Variants in GPC3 observed in about 807,000 individuals in gnomAD.
The protein encoded by GPC3 is glypican-3.
GPC3 carries 3 observed loss-of-function variants against 34.4 expected under a neutral mutation model. That is an observed-to-expected ratio of 0.09 (90% CI 0.04 to 0.23). The LOEUF is 0.23. GPC3 is among the 10% of genes least tolerant of loss of function. The pLI is 1.00. For synonymous variants in GPC3, 177 were observed against 174.0 expected (o/e 1.02, Z -0.13); for missense variants, 351 against 445.6 (o/e 0.79, Z 1.91).
chrX:133,916,298 TG>T (rs2076224698), intron 2 of GPC3, among the ~76,000 whole-genome samples: 1 of 111,510 alleles, frequency 9.0e-6, no homozygotes, highest in African/African-American at 3.3e-5. Context: ...GGGTATAAAA[TG>T]GTATGTATAC....
At chrX:133,630,041 T>C (rs141136548) in intron 6 of GPC3, among the ~76,000 whole-genome samples, 1,412 of 105,978 alleles carry the variant, frequency 0.013, 31 homozygotes, top group African/African-American at 0.045. Flanking sequence ...GCAACAAGAG[T>C]GAAACTCCAT....
chrX:133,776,841 A>C (rs188121093), intron 2 of GPC3, among the ~76,000 whole-genome samples: 86 of 108,218 alleles, frequency 7.9e-4, no homozygotes, highest in African/African-American at 2.7e-3. Context: ...ATACTCAAAA[A>C]TTAGTACAGC....
In GPC3 at chrX:133,819,315, C is replaced by A. The variant is rs759319289; in HGVS notation, c.338-65139G>T. Among the ~76,000 whole-genome samples the A allele has an allele frequency of 5.6e-5, 6 of 108,010 alleles. No individual in the cohort carries two copies. In the South Asian group the frequency reaches 2.6e-3, roughly 47 times the overall value. 93.8% of individuals were successfully genotyped at this position (108,010 alleles called of 115,157 possible). On this transcript the variant is annotated intron_variant, in intron 2 of 7. Coordinates refer to ENST00000370818, the MANE Select transcript of GPC3 (RefSeq NM_004484.4). Reference sequence around the variant, plus strand: ...TTAAACTAGACTCCCATTCTACTTGCATACTTCCTGACAGTCCCTTCCCTT... The same window carrying A: ...TTAAACTAGACTCCCATTCTACTTGAATACTTCCTGACAGTCCCTTCCCTT...
At chrX:133,926,001 G>A (rs770301427) in intron 2 of GPC3, among the ~76,000 whole-genome samples, 31 of 111,151 alleles carry the variant, frequency 2.8e-4, no homozygotes, top group Non-Finnish European at 4.9e-4. Flanking sequence ...GATCAGAAGA[G>A]GTTTTCACTC....
At chrX:133,707,502 C>A (rs1029071190) in intron 3 of GPC3, among the ~76,000 whole-genome samples, 1 of 111,223 alleles carries the variant, frequency 9.0e-6, no homozygotes, top group Non-Finnish European at 1.9e-5. Context: ...GGTTTAACAA[C>A]GATGAGAGAT....
intron 3 of GPC3, among the ~76,000 whole-genome samples, chrX:133,703,464 T>G (rs1421435493): frequency 1.9e-5 from 2 of 107,755 alleles, no homozygotes; most frequent in Non-Finnish European, 3.8e-5. Context: ...CAGGAAGTTT[T>G]TTTTTTTTTT....
intron 2 of GPC3, among the ~76,000 whole-genome samples, chrX:133,931,127 G>A (rs935891329): frequency 2.7e-5 from 3 of 111,136 alleles, no homozygotes; most frequent in Non-Finnish European, 5.7e-5. Flanking sequence ...TACTTTATAG[G>A]GTTGCTGTGA....
chrX:133,675,294 C>T (rs1294502191), intron 5 of GPC3, among the ~76,000 whole-genome samples: 1 of 111,877 alleles, frequency 8.9e-6, no homozygotes, highest in Non-Finnish European at 1.9e-5. Flanking sequence ...ATTAGCCCTA[C>T]CCAGATCCTG....
intron 7 of GPC3, among the ~76,000 whole-genome samples, chrX:133,589,459 C>A (rs1046089721): frequency 1.8e-5 from 2 of 111,404 alleles, no homozygotes; most frequent in Non-Finnish European, 3.8e-5. Context: ...TCACTGCAAC[C>A]TCCGCCTCCC....
chrX:133,643,535 TA>T (rs1333210991), intron 6 of GPC3, among the ~76,000 whole-genome samples: 1 of 111,884 alleles, frequency 8.9e-6, no homozygotes, highest in Admixed American at 9.5e-5. Context: ...CAGAGAGGTA[TA>T]AAAAAAGAAA....
chrX:133,793,591 T>C (rs1418440327), intron 2 of GPC3, among the ~76,000 whole-genome samples: 2 of 111,481 alleles, frequency 1.8e-5, no homozygotes, highest in African/African-American at 6.5e-5. Context: ...CATCCTTTTA[T>C]GAACTCCAAT....
chrX:133,964,536 G>T lies in GPC3; in HGVS notation c.176-11325C>A, dbSNP rs192514977. Among the ~76,000 whole-genome samples the T allele has an allele frequency of 5.0e-3, 563 of 112,295 alleles. 2 individuals are homozygous for T. The highest frequency in any genetic ancestry group is 8.5e-3 in the Non-Finnish European group (453 of 53,278). ...CCCATGGTGAAATGGCTTAACCAAA[G>T]TAGTAACTCACCAATGATGACACAT... is the stretch of plus-strand genomic sequence containing the variant. On this transcript the variant is annotated intron_variant, in intron 1 of 7. Transcript: ENST00000370818.
At chrX:133,946,252 T>C (rs377045049) in intron 2 of GPC3, among the ~76,000 whole-genome samples, 85 of 111,794 alleles carry the variant, frequency 7.6e-4, no homozygotes, top group African/African-American at 2.6e-3. Flanking sequence ...ATCACACATA[T>C]AGCACTGTTT....
intron 7 of GPC3, among the ~76,000 whole-genome samples, chrX:133,594,039 T>C (rs1410303397): frequency 4.5e-5 from 5 of 111,076 alleles, no homozygotes; most frequent in African/African-American, 1.6e-4. Flanking sequence ...GAGGTTGCAG[T>C]GAGCTGAGAC....
intron 1 of GPC3, among the ~76,000 whole-genome samples, chrX:133,953,552 C>T (rs1161051855): frequency 9.0e-6 from 1 of 111,644 alleles, no homozygotes; most frequent in Non-Finnish European, 1.9e-5. Flanking sequence ...GATCAATCTT[C>T]ACTCCTATAA....
intron 7 of GPC3, among the ~76,000 whole-genome samples, chrX:133,578,370 C>T (rs1302077593): frequency 4.5e-5 from 5 of 112,138 alleles, no homozygotes; most frequent in African/African-American, 9.7e-5. Context: ...ACTCACTTGC[C>T]GCCCTCAAAC....
intron 2 of GPC3, among the ~76,000 whole-genome samples, chrX:133,875,189 T>C (rs769136228): frequency 1.7e-4 from 19 of 112,002 alleles, no homozygotes; most frequent in African/African-American, 5.8e-4. Context: ...AATTTTCTAA[T>C]CTTAGTGTCT....
intron 6 of GPC3, among the ~76,000 whole-genome samples, chrX:133,641,899 C>T (rs1249249901): frequency 8.9e-6 from 1 of 112,359 alleles, no homozygotes; most frequent in Non-Finnish European, 1.9e-5. Context: ...GACTGAAAGT[C>T]TCTGACGTTG....
At chrX:133,578,889 G>A (rs751409545) in intron 7 of GPC3, among the ~76,000 whole-genome samples, 1 of 110,014 alleles carries the variant, frequency 9.1e-6, no homozygotes, top group African/African-American at 3.3e-5. Context: ...AGGGATGGGG[G>A]TTGGGGAGGC....
Sources: gnomAD v4.1 joint callset for allele counts (sites outside exome capture counted in the v4.1 genomes callset) on GRCh38, gnomAD v4.1.1 for gene constraint, MANE v1.5 for transcripts, NCBI Gene and HGNC (gene_info 2026-07-23, HGNC 2026-07-21) for gene names.